ASCC3: variants seen among roughly 807,000 people sequenced by gnomAD.
ASCC3 encodes ASC-1 complex subunit P200.
ASCC3 carries 158 observed loss-of-function variants against 256.3 expected under a neutral mutation model. That is an observed-to-expected ratio of 0.62 (90% CI 0.54 to 0.70). The LOEUF (loss-of-function observed/expected upper bound fraction) is 0.70, where lower values mean the gene tolerates loss of function less well. Among genes scored for constraint, ASCC3 ranks in the 30% least tolerant of loss-of-function variants. ASCC3 has a pLI of 0.00. For missense variants in ASCC3, 2,259 were observed against 2,626.0 expected (o/e 0.86, Z 3.05); for synonymous variants, 948 against 883.4 (o/e 1.07, Z -1.30).
At chr6:100,870,363 C>CAAA (rs11358403) in intron 1 of ASCC3, among the ~76,000 whole-genome samples, 1 of 141,092 alleles carries the variant, frequency 7.1e-6, no homozygotes. Context: ...GAGTCCGTCT[C>CAAA]AAAAAAAAAA....
intron 33 of ASCC3, among the ~76,000 whole-genome samples, chr6:100,603,648 A>G (rs1473339798): frequency 6.6e-6 from 1 of 152,068 alleles, no homozygotes; most frequent in African/African-American, 2.4e-5. Flanking sequence ...TAACAGTTTT[A>G]TTATAAATAG....
intron 41 of ASCC3, 107 bp downstream of exon 41, chr6:100,509,825 T>C (rs1773668364): frequency 1.7e-6 from 2 of 1,161,240 alleles, no homozygotes; most frequent in African/African-American, 1.6e-5. Context: ...GAGGCGGAGC[T>C]TGCAGTGAGC....
intron 10 of ASCC3, among the ~76,000 whole-genome samples, chr6:100,746,229 A>G (rs1039097504): frequency 1.4e-5 from 2 of 146,576 alleles, no homozygotes; most frequent in South Asian, 2.1e-4. Context: ...TAGGGTTTCA[A>G]TCCCGGTGAT....
At chr6:100,585,962 C>T (rs1211136405) in intron 36 of ASCC3, among the ~76,000 whole-genome samples, 2 of 152,130 alleles carry the variant, frequency 1.3e-5, no homozygotes, top group African/African-American at 2.4e-5. Flanking sequence ...GAGGAGTACT[C>T]GGCCATGTGA....
intron 36 of ASCC3, among the ~76,000 whole-genome samples, chr6:100,542,339 A>G (rs1168309301): frequency 6.6e-6 from 1 of 152,222 alleles, no homozygotes; most frequent in Admixed American, 6.5e-5. Flanking sequence ...CTCATCAGAA[A>G]TAATGCCATA....
intron 34 of ASCC3, among the ~76,000 whole-genome samples, chr6:100,598,512 A>AT (rs1304276099): frequency 6.6e-6 from 1 of 152,148 alleles, no homozygotes; most frequent in East Asian, 1.9e-4. Flanking sequence ...GTCTACTGTG[A>AT]TAAGTCTCCC....
At chr6:100,702,798 T>C (rs185769775) in intron 13 of ASCC3, among the ~76,000 whole-genome samples, 126 of 152,326 alleles carry the variant, frequency 8.3e-4, no homozygotes, top group African/African-American at 3.0e-3. Flanking sequence ...TTCACAATTG[T>C]GAGCTCTTAT....
chr6:100,577,280 C>T (rs1316706521), intron 36 of ASCC3, among the ~76,000 whole-genome samples: 1 of 151,934 alleles, frequency 6.6e-6, no homozygotes, highest in Admixed American at 6.6e-5. Flanking sequence ...TATCTGTCAA[C>T]TGAAGTAATA....
At chr6:100,631,456 G>C (rs1562182319) in intron 25 of ASCC3, among the ~76,000 whole-genome samples, 2 of 151,688 alleles carry the variant, frequency 1.3e-5, no homozygotes, top group Admixed American at 1.3e-4. Flanking sequence ...TATTAACATA[G>C]ATGAATTTAA....
chr6:100,651,463 G>A, intron 19 of ASCC3, 97 bp downstream of exon 19: 1 of 495,132 alleles, frequency 2.0e-6, no homozygotes, highest in Non-Finnish European at 3.5e-6. Flanking sequence ...CAAATGTGAT[G>A]TGCCATACAG....
rs546369164 is a variant in ASCC3 at position 100,738,297 on chromosome 6, C to T, written c.1738-12594G>A. Among the ~76,000 whole-genome samples the T allele has an allele frequency of 6.6e-5, 10 of 152,218 alleles. No individual in the cohort carries two copies. The South Asian group carries it at 1.9e-3, about 28-fold the overall frequency. On this transcript the variant is annotated intron_variant, in intron 10 of 41. Coordinates refer to ENST00000369162, the MANE Select transcript of ASCC3 (RefSeq NM_006828.4). ...TTTTGTCATGAAATATTTGCCTGTG[C>T]CTATGTCCTCAGTGGTACTGTCTAG...
intron 10 of ASCC3, among the ~76,000 whole-genome samples, chr6:100,732,134 C>T (rs1220706549): frequency 7.0e-6 from 1 of 142,428 alleles, no homozygotes; most frequent in Non-Finnish European, 1.5e-5. Flanking sequence ...GCACTCCAGC[C>T]TGGGCAACAA....
At chr6:100,589,583 A>T (rs765422820) in intron 36 of ASCC3, 51 bp downstream of exon 36, 45 of 1,607,862 alleles carry the variant, frequency 2.8e-5, no homozygotes, top group Non-Finnish European at 3.4e-5. Flanking sequence ...AGGTGGCAAA[A>T]CTTTAAGCCC....
chr6:100,815,884 C>T (rs1231351600), intron 4 of ASCC3, among the ~76,000 whole-genome samples: 1 of 151,762 alleles, frequency 6.6e-6, no homozygotes. Flanking sequence ...GATAAAAATG[C>T]CAAAAGCAAT....
intron 1 of ASCC3, among the ~76,000 whole-genome samples, chr6:100,876,707 C>T (rs1774019180): frequency 6.6e-6 from 1 of 152,036 alleles, no homozygotes. Context: ...CACTAAATGA[C>T]AAATATATAA....
At chr6:100,645,950 G>A (rs2114900658) in intron 22 of ASCC3, among the ~76,000 whole-genome samples, 1 of 152,152 alleles carries the variant, frequency 6.6e-6, no homozygotes, top group South Asian at 2.1e-4. Context: ...AAAGAAACAG[G>A]TGATTGGGGG....
intron 11 of ASCC3, among the ~76,000 whole-genome samples, chr6:100,722,633 G>A (rs1311197254): frequency 6.6e-6 from 1 of 151,664 alleles, no homozygotes; most frequent in Non-Finnish European, 1.5e-5. Context: ...TTTAATAAAT[G>A]TTCATTAACT....
intron 37 of ASCC3, among the ~76,000 whole-genome samples, chr6:100,522,110 T>C (rs1215993977): frequency 2.0e-5 from 3 of 152,108 alleles, no homozygotes; most frequent in African/African-American, 4.8e-5. Context: ...ATTAGGCAAA[T>C]ACTTAATACC....
rs149330987 is a variant in ASCC3 at position 100,798,712 on chromosome 6, C to T, written c.1395+1G>A. The T allele has an allele frequency of 1.9e-6, 3 of 1,612,200 alleles. No individual in the cohort carries two copies. In the African/African-American group the frequency reaches 4.0e-5, roughly 22 times the overall value. ...TCAACTCTATAAAAGGCTCATCTCA[C>T]CTCATCTAAGTCTTGGATATAAACT... On this transcript the variant is annotated splice_donor_variant, in intron 8 of 41. Coordinates refer to ENST00000369162, the MANE Select transcript of ASCC3 (RefSeq NM_006828.4). LOFTEE classifies it high-confidence loss of function.
Sources: gnomAD v4.1 joint callset for allele counts (sites outside exome capture counted in the v4.1 genomes callset) on GRCh38, gnomAD v4.1.1 for gene constraint, MANE v1.5 for transcripts, NCBI Gene and HGNC (gene_info 2026-07-23, HGNC 2026-07-21) for gene names.